PDE10A: variants seen among roughly 807,000 people sequenced by gnomAD.
The protein encoded by PDE10A is phosphodiesterase 10A, also known as cAMP and cAMP-inhibited cGMP 3',5'-cyclic phosphodiesterase 10A.
PDE10A carries 39 observed loss-of-function variants against 97.7 expected under a neutral mutation model. The ratio of observed to expected loss-of-function variants is 0.40; its 90% CI spans 0.31 to 0.52. The LOEUF (loss-of-function observed/expected upper bound fraction) is 0.52, where lower values mean the gene tolerates loss of function less well. Ranked by LOEUF, PDE10A falls within the 20% of genes least tolerant of loss-of-function variation. The pLI, the probability that PDE10A is intolerant of heterozygous loss-of-function variation, is 0.56. For synonymous variants in PDE10A, 371 were observed against 376.8 expected (o/e 0.98, Z 0.18); for missense variants, 731 against 1,047.8 (o/e 0.70, Z 4.17).
At chr6:165,739,219 C>T (rs916640622) in intron 1 of PDE10A, among the ~76,000 whole-genome samples, 2 of 152,188 alleles carry the variant, frequency 1.3e-5, no homozygotes, top group Non-Finnish European at 2.9e-5. Flanking sequence ...AGGCACCATG[C>T]TACCTAATTT....
intron 1 of PDE10A, among the ~76,000 whole-genome samples, chr6:165,905,718 A>G (rs1209919967): frequency 6.6e-6 from 1 of 152,128 alleles, no homozygotes; most frequent in East Asian, 1.9e-4. Context: ...GTGACTATTA[A>G]ACACTTGCAA....
In PDE10A at chr6:165,433,005, C is replaced by T; in HGVS notation, c.1460G>A (p.Gly487Asp). 1.2e-6 allele frequency: 2 copies of T among 1,613,818 alleles called. No homozygotes were observed. The highest frequency in any genetic ancestry group is 1.7e-6 in the Non-Finnish European group (2 of 1,179,848). Residue 487 changes from glycine to aspartate, a missense_variant, in exon 7 of 22, where the codon GGC becomes GAC. This residue lies in a region of PDE10A where 152 missense variants were observed against 199.3 expected (regional missense o/e 0.76). Coordinates refer to ENST00000539869, the MANE Select transcript of PDE10A (RefSeq NM_001385079.1). ...IGILELYRHW[G>D]KEAFCLSHQE... The stretch of plus-strand genomic sequence containing the variant: ...GTGACTAAGACAGAAGGCTTCTTTG[C>T]CCCAGTGCCGATACAGCTCGAGAAT...
At chr6:165,334,022 G>A (rs1018057117) in intron 21 of PDE10A, among the ~76,000 whole-genome samples, 4 of 152,162 alleles carry the variant, frequency 2.6e-5, no homozygotes, top group Admixed American at 6.5e-5. Context: ...TTTAACTTTT[G>A]TAACATATCA....
At chr6:165,645,010 G>A (rs1789319695) in intron 1 of PDE10A, among the ~76,000 whole-genome samples, 2 of 152,238 alleles carry the variant, frequency 1.3e-5, no homozygotes, top group Non-Finnish European at 2.9e-5. Flanking sequence ...GTTAGTAGCA[G>A]AAGCCTCTGG....
chr6:165,484,352 G>GGCAAGCGGGCGAA (rs1779777380), intron 2 of PDE10A, among the ~76,000 whole-genome samples: 2 of 152,192 alleles, frequency 1.3e-5, no homozygotes, highest in South Asian at 4.1e-4. Flanking sequence ...GGTGAGCGGC[G>GGCAAGCGGGCGAA]GCAAGCGGGC....
intron 1 of PDE10A, among the ~76,000 whole-genome samples, chr6:165,915,507 CA>C (rs1331183371): frequency 2.6e-5 from 4 of 152,164 alleles, no homozygotes; most frequent in African/African-American, 9.7e-5. Context: ...CTCTCTGCAC[CA>C]GAGAGGCAGT....
chr6:165,707,709 G>C (rs1290991115), intron 1 of PDE10A, among the ~76,000 whole-genome samples: 3 of 151,366 alleles, frequency 2.0e-5, no homozygotes, highest in Non-Finnish European at 3.0e-5. Context: ...GTGTGAGACT[G>C]TGCGTGTGTG....
intron 1 of PDE10A, among the ~76,000 whole-genome samples, chr6:165,955,518 C>T (rs1784109060): frequency 6.6e-6 from 1 of 152,178 alleles, no homozygotes; most frequent in Admixed American, 6.5e-5. Flanking sequence ...CCACCGTCTG[C>T]CTGCTACCAT....
chr6:165,811,847 T>C (rs1367928304), intron 1 of PDE10A, among the ~76,000 whole-genome samples: 1 of 151,946 alleles, frequency 6.6e-6, no homozygotes, highest in African/African-American at 2.4e-5. Flanking sequence ...CCAGTGTCTT[T>C]TATTTTTTAT....
chr6:165,419,347 G>A (rs976154899), intron 10 of PDE10A, among the ~76,000 whole-genome samples: 1 of 152,218 alleles, frequency 6.6e-6, no homozygotes, highest in Non-Finnish European at 1.5e-5. Context: ...ATTATTAAGT[G>A]TTTACTATGT....
At chr6:165,829,606 C>T (rs1302074797) in intron 1 of PDE10A, among the ~76,000 whole-genome samples, 9 of 152,222 alleles carry the variant, frequency 5.9e-5, no homozygotes, top group African/African-American at 2.2e-4. Flanking sequence ...CACCCAGCAC[C>T]TCTGTGTAAG....
Position 165,661,163 on chromosome 6 carries a change from G to C in PDE10A, c.865+784C>G, listed in dbSNP as rs1184654723. 1 of 152,920 alleles carries C rather than the reference G, an allele frequency of 6.5e-6. No homozygotes were observed. Among genetic ancestry groups the C allele is most frequent in the Admixed American group, 6.5e-5 (1 of 15,296 alleles). 9.5% of individuals were successfully genotyped at this position (152,920 alleles called of 1,614,324 possible). On this transcript the variant is annotated intron_variant, in intron 1 of 21. Transcript: ENST00000539869. This position sits in a 1 kb window ranked among gnomAD's most constrained non-coding sequence, Gnocchi z 4.8. The stretch of plus-strand genomic sequence containing the variant: ...CGGCCCCGCGCCCGCGGGTGGCGAG[G>C]AGGAGTGGCCACGCCACAGTGGGCC...
At position 165,576,351 on chromosome 6, in the gene PDE10A, T is replaced by C. The variant is rs929583696; in HGVS notation, c.866-32783A>G. The C allele has an allele frequency of 6.4e-6, 5 of 778,214 alleles. No homozygotes were observed. The African/African-American group carries it at 8.5e-5, about 13-fold the overall frequency. 48.2% of individuals were successfully genotyped at this position (778,214 alleles called of 1,614,324 possible). A position where few individuals can be genotyped will look rare whatever the true frequency, so the allele number is the denominator to read the frequency against. ...ACAGAGCTATAGAGTACTAGTTTGC[T>C]TCCTGTCTATCTGAATGTCCCTTCT... On this transcript the variant is annotated intron_variant, in intron 1 of 21. Transcript: ENST00000539869.
intron 1 of PDE10A, among the ~76,000 whole-genome samples, chr6:165,923,910 C>A (rs1476758412): frequency 6.6e-6 from 1 of 152,088 alleles, no homozygotes; most frequent in Non-Finnish European, 1.5e-5. Context: ...AAGAATAAGA[C>A]CAGCTTTTGC....
intron 10 of PDE10A, among the ~76,000 whole-genome samples, chr6:165,427,743 T>C (rs1789268605): frequency 6.6e-6 from 1 of 152,142 alleles, no homozygotes; most frequent in South Asian, 2.1e-4. Flanking sequence ...AAGCTCAGTG[T>C]CAGTCTACAT....
intron 1 of PDE10A, among the ~76,000 whole-genome samples, chr6:165,821,039 A>T (rs1473779942): frequency 6.6e-6 from 1 of 152,226 alleles, no homozygotes; most frequent in African/African-American, 2.4e-5. Context: ...TTGCACGTTG[A>T]TAAAGTAATG....
chr6:165,985,922 C>T (rs550122968), intron 1 of PDE10A, among the ~76,000 whole-genome samples: 17 of 152,118 alleles, frequency 1.1e-4, no homozygotes, highest in Admixed American at 5.9e-4. Flanking sequence ...ACTCCCACCC[C>T]ACTCCCCGTA....
chr6:165,449,930 T>C (rs1367724053), intron 4 of PDE10A, among the ~76,000 whole-genome samples: 1 of 152,176 alleles, frequency 6.6e-6, no homozygotes, highest in Non-Finnish European at 1.5e-5. Flanking sequence ...TTAAAATTAA[T>C]ATATTTTATA....
chr6:165,827,697 G>A (rs1287311102), intron 1 of PDE10A, among the ~76,000 whole-genome samples: 1 of 152,176 alleles, frequency 6.6e-6, no homozygotes, highest in Non-Finnish European at 1.5e-5. Context: ...AACAGGTGGT[G>A]TTTGGCTACA....
Sources: gnomAD v4.1 joint callset for allele counts (sites outside exome capture counted in the v4.1 genomes callset) on GRCh38, gnomAD v4.1.1 for gene constraint, gnomAD v4.1.1 regional missense constraint, Gnocchi (gnomAD v3.1) non-coding constraint, MANE v1.5 for transcripts, NCBI Gene and HGNC (gene_info 2026-07-23, HGNC 2026-07-21) for gene names.